PCCA: variants seen among roughly 807,000 people sequenced by gnomAD.
The protein encoded by PCCA is propionyl-CoA carboxylase subunit alpha, also known as propionyl-CoA carboxylase alpha chain, mitochondrial.
A neutral mutation model predicts 101.3 loss-of-function variants in PCCA; 74 were observed. That is an observed-to-expected ratio of 0.73 (90% CI 0.61 to 0.89). PCCA has a LOEUF of 0.89. Ranked by LOEUF, PCCA falls within the 40% of genes least tolerant of loss-of-function variation. PCCA has a pLI of 0.00. For synonymous variants in PCCA, 294 were observed against 313.6 expected (o/e 0.94, Z 0.66); for missense variants, 891 against 907.0 (o/e 0.98, Z 0.23).
intron 22 of PCCA, among the ~76,000 whole-genome samples, chr13:100,516,092 A>G (rs1304328557): frequency 1.3e-5 from 2 of 152,256 alleles, no homozygotes; most frequent in African/African-American, 4.8e-5. Flanking sequence ...TTGTGACATT[A>G]AAGCACAAAT....
chr13:100,413,155 G>C (rs1431685657), intron 19 of PCCA, among the ~76,000 whole-genome samples: 1 of 152,138 alleles, frequency 6.6e-6, no homozygotes, highest in Non-Finnish European at 1.5e-5. Flanking sequence ...GGACTACTAG[G>C]GGAAATTCTG....
At chr13:100,495,253 A>C (rs999083623) in intron 21 of PCCA, among the ~76,000 whole-genome samples, 1 of 152,064 alleles carries the variant, frequency 6.6e-6, no homozygotes, top group African/African-American at 2.4e-5. Flanking sequence ...TGGTTCCACA[A>C]TTTACCTCTA....
At chr13:100,307,322 T>C in intron 15 of PCCA, 62 bp downstream of exon 15, 1 of 1,100,668 alleles carries the variant, frequency 9.1e-7, no homozygotes, top group Non-Finnish European at 1.4e-6. Flanking sequence ...ATTTAAAGAG[T>C]CTGAAACTGG....
rs201570489 is a variant in PCCA, at chr13:100,515,565, G to A, written c.2038G>A (p.Ala680Thr). ...VVAVSVKPGD[A>T]VAEGQEICVI... ...GGCCGTCTCTGTCAAGCCTGGAGAC[G>A]CGGTAAGGGCTGTGTGTGTCTCTCT... The change falls in exon 22 of 24, where the codon GCG becomes ACG. Residue 680 changes from alanine (A) to threonine (T), a missense_variant and splice_region_variant. Physicochemically the swap from Ala to Thr is moderately conservative, Grantham distance 58. Coordinates refer to ENST00000376285, the MANE Select transcript of PCCA (RefSeq NM_000282.4). The A allele has an allele frequency of 2.1e-5, 34 of 1,613,566 alleles. No homozygotes were observed. The highest frequency in any genetic ancestry group is 1.7e-4 in the Middle Eastern group (1 of 6,054).
intron 16 of PCCA, among the ~76,000 whole-genome samples, chr13:100,310,449 T>C (rs1172818515): frequency 6.6e-6 from 1 of 152,216 alleles, no homozygotes; most frequent in Non-Finnish European, 1.5e-5. Flanking sequence ...CTAATGTGCT[T>C]GAGCAGTAAA....
chr13:100,493,796 T>G (rs2085078928), intron 21 of PCCA, among the ~76,000 whole-genome samples: 1 of 152,210 alleles, frequency 6.6e-6, no homozygotes, highest in Non-Finnish European at 1.5e-5. Flanking sequence ...AACACTATTC[T>G]CCACCTCCCT....
At chr13:100,237,115 A>C (rs551994418) in intron 8 of PCCA, 1 of 152,232 alleles carries the variant, frequency 6.6e-6, no homozygotes, top group South Asian at 2.1e-4. Context: ...AAGCTCATAT[A>C]GTTGTGATAT....
chr13:100,434,609 C>T (rs536741005), intron 20 of PCCA, among the ~76,000 whole-genome samples: 1 of 152,278 alleles, frequency 6.6e-6, no homozygotes, highest in South Asian at 2.1e-4. Context: ...CTGTCTTTTC[C>T]AGTTGCCTTT....
At chr13:100,219,695 G>A (rs756674473) in intron 7 of PCCA, among the ~76,000 whole-genome samples, 3 of 152,144 alleles carry the variant, frequency 2.0e-5, no homozygotes, top group African/African-American at 4.8e-5. Context: ...GTGAAAATTC[G>A]TCTTGTGAGT....
intron 4 of PCCA, among the ~76,000 whole-genome samples, chr13:100,134,774 G>C (rs912941278): frequency 1.7e-4 from 26 of 151,954 alleles, no homozygotes; most frequent in African/African-American, 5.8e-4. Context: ...GGCTGGTCCT[G>C]AACTCCTGTG....
chr13:100,161,765 C>T (rs527410773), intron 6 of PCCA: 1 of 152,024 alleles, frequency 6.6e-6, no homozygotes, highest in Non-Finnish European at 1.5e-5. Flanking sequence ...CTGCATAGCT[C>T]ATGGAAATAC....
intron 19 of PCCA, among the ~76,000 whole-genome samples, chr13:100,400,519 T>A (rs1422508930): frequency 6.6e-6 from 1 of 151,868 alleles, no homozygotes; most frequent in African/African-American, 2.4e-5. Context: ...AGTGTTGGGG[T>A]GGGTCTTTGT....
At chr13:100,491,846 A>C (rs1182837805) in intron 21 of PCCA, 1 of 926,910 alleles carries the variant, frequency 1.1e-6, no homozygotes, top group Non-Finnish European at 1.4e-6. Context: ...TTAAAATAAA[A>C]ATATTTTAGT....
intron 22 of PCCA, among the ~76,000 whole-genome samples, chr13:100,518,608 GGA>G (rs1478241230): frequency 1.3e-5 from 2 of 152,174 alleles, no homozygotes; most frequent in Admixed American, 1.3e-4. Flanking sequence ...CCGAACACGT[GGA>G]GAGAGGATGT....
intron 17 of PCCA, among the ~76,000 whole-genome samples, chr13:100,339,924 TC>T (rs1232130078): frequency 6.6e-6 from 1 of 152,174 alleles, no homozygotes; most frequent in Non-Finnish European, 1.5e-5. Context: ...ATATCTTCTT[TC>T]CCAAATTAAA....
At chr13:100,118,515 A>G (rs2049046483) in intron 4 of PCCA, among the ~76,000 whole-genome samples, 1 of 152,132 alleles carries the variant, frequency 6.6e-6, no homozygotes, top group Non-Finnish European at 1.5e-5. Flanking sequence ...TTCAGATTAA[A>G]TATTTGACAA....
At chr13:100,173,464 T>TCTC (rs2055915250) in intron 6 of PCCA, among the ~76,000 whole-genome samples, 18 of 152,056 alleles carry the variant, frequency 1.2e-4, no homozygotes, top group Admixed American at 1.2e-3. Flanking sequence ...AGATAGAAGA[T>TCTC]AAAACAGCTC....
chr13:100,283,604 C>A (rs1008413957), intron 12 of PCCA, among the ~76,000 whole-genome samples: 2 of 151,906 alleles, frequency 1.3e-5, no homozygotes, highest in African/African-American at 4.8e-5. Context: ...GCTCGAAAAG[C>A]AATCCAGGGC....
At chr13:100,398,197 C>T (rs2077143662) in intron 19 of PCCA, among the ~76,000 whole-genome samples, 1 of 152,152 alleles carries the variant, frequency 6.6e-6, no homozygotes, top group Non-Finnish European at 1.5e-5. Flanking sequence ...AGCTCCGTGC[C>T]ATTTTATTTC....
Sources: gnomAD v4.1 joint callset for allele counts (sites outside exome capture counted in the v4.1 genomes callset) on GRCh38, gnomAD v4.1.1 for gene constraint, MANE v1.5 for transcripts, NCBI Gene and HGNC (gene_info 2026-07-23, HGNC 2026-07-21) for gene names.